The following NBAS variants were observed in gnomAD, a reference collection of about 807,000 sequenced individuals.
The protein encoded by NBAS is NBAS subunit of NRZ tethering complex, also known as NAG/BC035112 fusion.
Under a neutral mutation model 302.5 loss-of-function variants are expected in NBAS, and 219 were observed. That is an observed-to-expected ratio of 0.72 (90% confidence interval 0.65 to 0.81). The LOEUF (loss-of-function observed/expected upper bound fraction) is 0.81. NBAS is among the 30% of genes least tolerant of loss of function. The pLI is 0.00. For missense variants in NBAS, 2,932 were observed against 2,841.6 expected, an observed-to-expected ratio of 1.03 and a Z score of -0.72; for synonymous variants, 1,118 against 1,021.6, an observed-to-expected ratio of 1.09 and a Z score of -1.80.
At chr2:14,874,599 C>A in the NBAS span, among the ~76,000 whole-genome samples, 2 of 147,902 alleles carry the variant, frequency 1.4e-5, no homozygotes, top group Admixed American at 1.3e-4. Flanking sequence ...AAGATGGCGC[C>A]ACTGCACTCC....
Position 15,351,870 on chromosome 2 carries a change from G to GCACACACA in NBAS, c.4179+114_4179+121dup, listed in dbSNP as rs10605991. 9.4e-4 allele frequency: 657 copies of GCACACACA among 701,882 alleles called. 6 individuals are homozygous for GCACACACA. In the African/African-American group the frequency reaches 9.7e-3, roughly 10 times the overall value. The allele number at this position is 701,882 out of a possible 1,614,324, so 43.5% of individuals were successfully genotyped here. On this transcript the variant is annotated intron_variant, in intron 35 of 51. Transcript: ENST00000281513. ...AGCTGAAAAGAAAAGTGGTCTGCAT[G>GCACACACA]CACACACACACACACACACACACAC... is the stretch of plus-strand genomic sequence containing the variant.
At chr2:14,792,111 G>A in the NBAS span, among the ~76,000 whole-genome samples, 4 of 152,202 alleles carry the variant, frequency 2.6e-5, 1 homozygote, top group South Asian at 8.3e-4. Flanking sequence ...GGAACCAGGT[G>A]AGCCTCAGCA....
intron 26 of NBAS, among the ~76,000 whole-genome samples, chr2:15,396,749 A>C (rs112229301): frequency 1.0e-4 from 14 of 139,358 alleles, no homozygotes; most frequent in African/African-American, 3.7e-4. Context: ...AAAAAAATAT[A>C]TAAATCGATT....
the NBAS span, among the ~76,000 whole-genome samples, chr2:14,813,409 C>T: frequency 6.6e-6 from 1 of 152,066 alleles, no homozygotes; most frequent in African/African-American, 2.4e-5. Flanking sequence ...AGATGAGGAA[C>T]TTATTGGGAA....
the NBAS span, among the ~76,000 whole-genome samples, chr2:15,053,765 C>T: frequency 2.6e-5 from 4 of 151,976 alleles, no homozygotes; most frequent in Admixed American, 2.6e-4. Context: ...GGTAGATGTA[C>T]CATGTGACTC....
chr2:15,237,560 A>ATATTTATTTATT (rs35617829), intron 45 of NBAS, among the ~76,000 whole-genome samples: 16 of 139,926 alleles, frequency 1.1e-4, no homozygotes, highest in Admixed American at 2.1e-4. Context: ...GAAAATCAAA[A>ATATTTATTTATT]TATTTATTTA....
chr2:15,215,819 C>T (rs1334291395), intron 48 of NBAS, among the ~76,000 whole-genome samples: 1 of 152,128 alleles, frequency 6.6e-6, no homozygotes, highest in African/African-American at 2.4e-5. Context: ...AATTCTAAAA[C>T]TAGTGGTAGA....
At chr2:14,993,599 A>G in the NBAS span, among the ~76,000 whole-genome samples, 1 of 152,226 alleles carries the variant, frequency 6.6e-6, no homozygotes, top group Non-Finnish European at 1.5e-5. Context: ...TTGCTATTTC[A>G]AAGTGTTGGC....
the NBAS span, among the ~76,000 whole-genome samples, chr2:14,835,080 A>G: frequency 6.6e-6 from 1 of 152,090 alleles, no homozygotes. Flanking sequence ...TGAGTCAATG[A>G]TGACATATTG....
chr2:15,444,803 T>G (rs1025491541), intron 21 of NBAS, among the ~76,000 whole-genome samples: 1 of 151,744 alleles, frequency 6.6e-6, no homozygotes, highest in African/African-American at 2.4e-5. Context: ...CAAACAAATT[T>G]ACAAGAAAAA....
the NBAS span, among the ~76,000 whole-genome samples, chr2:15,097,265 G>A: frequency 6.6e-6 from 1 of 152,132 alleles, no homozygotes; most frequent in African/African-American, 2.4e-5. Flanking sequence ...TGGGGGACAA[G>A]GTGTCAAAGA....
the NBAS span, among the ~76,000 whole-genome samples, chr2:15,098,040 T>A: frequency 2.8e-4 from 3 of 10,704 alleles, no homozygotes; most frequent in Non-Finnish European, 5.1e-4. Flanking sequence ...TATATTATAT[T>A]GTATATAATA....
chr2:15,135,867 T>TAA, the NBAS span, among the ~76,000 whole-genome samples: 113 of 132,420 alleles, frequency 8.5e-4, no homozygotes, highest in East Asian at 6.9e-3. Flanking sequence ...GCTGATGAGC[T>TAA]AAAAAAAAAA....
At chr2:15,443,154 G>A (rs181948410) in intron 21 of NBAS, among the ~76,000 whole-genome samples, 41 of 152,230 alleles carry the variant, frequency 2.7e-4, no homozygotes, top group Admixed American at 1.8e-3. Context: ...CTCATTTTAC[G>A]AGGCCAGCAT....
the NBAS span, among the ~76,000 whole-genome samples, chr2:15,128,990 G>A: frequency 6.6e-6 from 1 of 152,200 alleles, no homozygotes; most frequent in Non-Finnish European, 1.5e-5. Flanking sequence ...GTGTGGAGCC[G>A]CTGGTTTGAG....
At chr2:15,146,770 G>A in the NBAS span, among the ~76,000 whole-genome samples, 2 of 152,130 alleles carry the variant, frequency 1.3e-5, no homozygotes, top group African/African-American at 4.8e-5. Flanking sequence ...AGGCTCAGCA[G>A]GGAGCCCCAC....
At chr2:15,363,619 T>A (rs1401500568) in intron 32 of NBAS, among the ~76,000 whole-genome samples, 1 of 152,194 alleles carries the variant, frequency 6.6e-6, no homozygotes, top group Non-Finnish European at 1.5e-5. Flanking sequence ...GTCTCCTCAT[T>A]TTCAAAATGA....
intron 40 of NBAS, among the ~76,000 whole-genome samples, chr2:15,296,555 A>T (rs1006062815): frequency 3.4e-5 from 5 of 146,744 alleles, no homozygotes; most frequent in Non-Finnish European, 7.5e-5. Flanking sequence ...AAAAAAAAAA[A>T]CTTTGCAAAT....
At chr2:15,534,872 TC>T (rs1663409847) in intron 8 of NBAS, among the ~76,000 whole-genome samples, 2 of 152,220 alleles carry the variant, frequency 1.3e-5, no homozygotes, top group South Asian at 4.1e-4. Flanking sequence ...GACCCAGCAA[TC>T]CCACTTGAAG....
Sources: allele counts gnomAD v4.1 joint callset (sites outside exome capture counted in the v4.1 genomes callset), GRCh38; gene constraint gnomAD v4.1.1; transcripts MANE v1.5; gene names NCBI Gene and HGNC (gene_info 2026-07-23, HGNC 2026-07-21).